Variants in TTC3 observed in about 807,000 individuals in gnomAD.
The protein encoded by TTC3 is E3 ubiquitin-protein ligase TTC3.
A neutral mutation model predicts 249.6 loss-of-function variants in TTC3; 180 were observed. The ratio of observed to expected loss-of-function variants is 0.72; its 90% CI spans 0.64 to 0.82. The LOEUF is 0.82. Ranked by LOEUF, TTC3 falls within the 40% of genes least tolerant of loss-of-function variation. The pLI, the probability that TTC3 is intolerant of heterozygous loss-of-function variation, is 0.00. For missense variants in TTC3, 2,061 were observed against 2,398.4 expected (o/e 0.86, Z 2.94); for synonymous variants, 717 against 805.0 (o/e 0.89, Z 1.85).
At chr21:37,166,265 C>T in exon 33 of TTC3, 2 of 1,614,182 alleles carry the variant, frequency 1.2e-6, no homozygotes, top group East Asian at 4.5e-5. Flanking sequence ...CATATATACA[C>T]CCTTGGCCAG....
At chr21:37,084,242 G>A (rs938560867) in intron 1 of TTC3, 2 of 152,260 alleles carry the variant, frequency 1.3e-5, no homozygotes, top group African/African-American at 4.8e-5. Flanking sequence ...CTGAGGAAGA[G>A]CAGCCAGACG....
At chr21:37,186,502 T>C (rs2083295441) in intron 37 of TTC3, among the ~76,000 whole-genome samples, 1 of 152,170 alleles carries the variant, frequency 6.6e-6, no homozygotes, top group Non-Finnish European at 1.5e-5. Context: ...AATGCAGTAG[T>C]GCAGTCATTG....
At chr21:37,140,812 T>G (rs2078374407) in intron 20 of TTC3, 139 bp downstream of exon 20, 1 of 545,728 alleles carries the variant, frequency 1.8e-6, no homozygotes, top group Non-Finnish European at 3.0e-6. Flanking sequence ...TTTGAGGACC[T>G]GAAATTTCAC....
chr21:37,200,469 T>C (rs1047770823), intron 45 of TTC3, 145 bp downstream of exon 45: 7 of 858,654 alleles, frequency 8.2e-6, no homozygotes, highest in Non-Finnish European at 1.3e-5. Context: ...CAGTGTTCAG[T>C]GCCTCCCTGT....
intron 36 of TTC3, among the ~76,000 whole-genome samples, chr21:37,185,337 G>A (rs1238057059): frequency 1.3e-5 from 2 of 152,216 alleles, no homozygotes; most frequent in Non-Finnish European, 2.9e-5. Context: ...GTAGAAGGCT[G>A]TTTTCATTTT....
intron 33 of TTC3, 89 bp from the exon 34 acceptor site, chr21:37,167,466 G>T: frequency 2.2e-6 from 2 of 908,040 alleles, no homozygotes; most frequent in African/African-American, 1.7e-5. Context: ...AAAAAATTGT[G>T]GGTGTGTTTT....
At chr21:37,107,394 C>T (rs1419332432) in intron 10 of TTC3, among the ~76,000 whole-genome samples, 1 of 152,024 alleles carries the variant, frequency 6.6e-6, no homozygotes, top group Non-Finnish European at 1.5e-5. Context: ...ACCCTAAGTT[C>T]CAGGGGTGCA....
At chr21:37,176,467 T>C (rs2082293513) in intron 35 of TTC3, among the ~76,000 whole-genome samples, 1 of 152,204 alleles carries the variant, frequency 6.6e-6, no homozygotes, top group African/African-American at 2.4e-5. Context: ...GTCAAATTAT[T>C]TGGCCCAGAA....
intron 11 of TTC3, among the ~76,000 whole-genome samples, chr21:37,111,393 G>A (rs979053872): frequency 6.6e-6 from 1 of 151,964 alleles, no homozygotes; most frequent in African/African-American, 2.4e-5. Context: ...AAAAGGCAGG[G>A]GTTGCAATCC....
intron 34 of TTC3, among the ~76,000 whole-genome samples, chr21:37,168,836 A>C (rs2081471772): frequency 1.3e-5 from 2 of 152,190 alleles, no homozygotes; most frequent in Admixed American, 6.5e-5. Context: ...GGAGATTCTC[A>C]TGTAGCTAGC....
chr21:37,095,526 C>CG (rs2073850204), intron 9 of TTC3, 82 bp downstream of exon 9: 7 of 950,000 alleles, frequency 7.4e-6, no homozygotes, highest in South Asian at 1.8e-5. Context: ...AAAAACAAGA[C>CG]GGAGAATTGG....
intron 40 of TTC3, 70 bp downstream of exon 40, chr21:37,191,494 CAT>C: frequency 1.1e-6 from 1 of 912,090 alleles, no homozygotes. Context: ...AGGCTGGTGT[CAT>C]ATTGAATCTA....
Position 37,124,813 on chromosome 21 carries a change from T to G in TTC3, c.1233+71T>G, listed in dbSNP as rs546849652. On this transcript the variant is annotated intron_variant, in intron 14 of 45. Transcript: ENST00000355666. ...TCATATTTTTACAGTAATATTTTGG[T>G]GGTAATAGAAACCAAATTTTTGGCG... The G allele has an allele frequency of 5.4e-4, 837 of 1,550,072 alleles. 2 individuals are homozygous for G. Among genetic ancestry groups the G allele is most frequent in the Non-Finnish European group, 6.5e-4 (746 of 1,151,164 alleles).
At chr21:37,172,513 A>G in intron 34 of TTC3, 82 bp from the exon 35 acceptor site, 1 of 1,423,684 alleles carries the variant, frequency 7.0e-7, no homozygotes. Flanking sequence ...TCCTTTGTTT[A>G]TTTTAAGAAA....
intron 11 of TTC3, among the ~76,000 whole-genome samples, chr21:37,109,766 A>G (rs1049936810): frequency 7.2e-5 from 11 of 152,058 alleles, no homozygotes; most frequent in African/African-American, 2.7e-4. Flanking sequence ...TTGCCTCCTC[A>G]AGTGGGTCCC....
At chr21:37,118,312 G>A (rs1305460424) in intron 11 of TTC3, among the ~76,000 whole-genome samples, 1 of 152,088 alleles carries the variant, frequency 6.6e-6, no homozygotes, top group Non-Finnish European at 1.5e-5. Flanking sequence ...TTCTATGTGA[G>A]GGTAGGACAT....
Position 37,148,531 on chromosome 21 carries a change from T to A in TTC3, c.2017-15T>A, listed in dbSNP as rs1181045017. ...ATCTTTAAAACGTTAATTAAAAAATTTTTTGTAACCCTAGGGTTTTATACG... is the reference window on the plus strand; with the variant it reads ...ATCTTTAAAACGTTAATTAAAAAATATTTTGTAACCCTAGGGTTTTATACG... On this transcript the variant is annotated splice_polypyrimidine_tract_variant and intron_variant, in intron 22 of 45. Transcript: ENST00000355666. 2.0e-6 allele frequency: 3 copies of A among 1,521,270 alleles called. No homozygotes were observed. Among genetic ancestry groups the A allele is most frequent in the African/African-American group, 1.4e-5 (1 of 70,388 alleles). 94.2% of individuals were successfully genotyped at this position (1,521,270 alleles called of 1,614,324 possible).
intron 35 of TTC3, among the ~76,000 whole-genome samples, chr21:37,180,728 T>G (rs1163534788): frequency 1.4e-5 from 2 of 145,790 alleles, no homozygotes; most frequent in Non-Finnish European, 1.5e-5. Flanking sequence ...ACCTGCACAA[T>G]GTGCACATGT....
At chr21:37,154,755 G>T (rs1209624748) in intron 27 of TTC3, among the ~76,000 whole-genome samples, 3 of 152,086 alleles carry the variant, frequency 2.0e-5, no homozygotes, top group Non-Finnish European at 4.4e-5. Flanking sequence ...GAGTGCAGCG[G>T]CGCGATCTCG....
Sources: gnomAD v4.1 joint callset for allele counts (sites outside exome capture counted in the v4.1 genomes callset) on GRCh38, gnomAD v4.1.1 for gene constraint, MANE v1.5 for transcripts, NCBI Gene and HGNC (gene_info 2026-07-23, HGNC 2026-07-21) for gene names.